The following IFIT1 variants were observed in gnomAD, a reference collection of about 807,000 sequenced individuals.
The protein encoded by IFIT1 is interferon induced protein with tetratricopeptide repeats 1.
Under a neutral mutation model 2.5 loss-of-function variants are expected in IFIT1, and 1 was observed. The ratio of observed to expected loss-of-function variants is 0.40; its 90% CI spans 0.14 to 1.92. The LOEUF (loss-of-function observed/expected upper bound fraction) is 1.92, where lower values mean the gene tolerates loss of function less well. IFIT1 is among the 40% of genes most tolerant of loss of function. The probability of loss-of-function intolerance (pLI) is 0.31; values close to 1 mark genes in which losing one functional copy is unlikely to be tolerated. For synonymous variants in IFIT1, 191 were observed against 201.7 expected (o/e 0.95, Z 0.45); for missense variants, 508 against 557.8 (o/e 0.91, Z 0.90).
chr10:89,392,972 G>A (rs1020510357), intron 1 of IFIT1: 19 of 669,070 alleles, frequency 2.8e-5, no homozygotes, highest in Non-Finnish European at 4.3e-5. Context: ...AGAAGGGGAG[G>A]GAAATGGGAA....
In IFIT1 at chr10:89,403,904, G is replaced by C; in HGVS notation, c.*192G>C. 1 of 501,276 alleles carries C rather than the reference G, an allele frequency of 2.0e-6. No individual in the cohort carries two copies. The highest frequency in any genetic ancestry group is 3.5e-6 in the Non-Finnish European group (1 of 287,506). 31.1% of individuals were successfully genotyped at this position (501,276 alleles called of 1,614,324 possible). ...AGAATGTGTGTATGCATGTAAGAAA[G>C]AGAAATCATTTGTATGAGTGCTATG... On this transcript the variant is annotated 3_prime_UTR_variant, in exon 2 of 2. Transcript: ENST00000371804.
rs1341450767 is a variant in IFIT1, at chr10:89,403,185, G to T, written c.910G>T (p.Glu304Ter). Reference sequence around the variant, plus strand: ...CAAGGCACAAATGATCCAAATCAAGGAGGCTACAAAAGGGCAGCCTAGAGG... The same window carrying T: ...CAAGGCACAAATGATCCAAATCAAGTAGGCTACAAAAGGGCAGCCTAGAGG... The part of the protein sequence containing the change: ...CYKAQMIQIK[E>*]ATKGQPRGQN... Residue 304 changes from glutamate (E) to a stop codon, truncating the protein, a stop_gained, in exon 2 of 2, where the codon GAG (glutamate) becomes TAG (stop). Coordinates refer to ENST00000371804, the MANE Select transcript of IFIT1 (RefSeq NM_001548.5). LOFTEE classifies it low-confidence loss of function (END_TRUNC). 1 of 1,613,966 alleles carries T rather than the reference G, an allele frequency of 6.2e-7. No homozygotes were observed. The highest frequency in any genetic ancestry group is 2.2e-5 in the East Asian group (1 of 44,902).
intron 1 of IFIT1, among the ~76,000 whole-genome samples, chr10:89,394,607 TATATATATATATATATATATAA>T (rs1460448076): frequency 0.21 from 6,388 of 30,222 alleles, 475 homozygotes; most frequent in East Asian, 0.41. Flanking sequence ...TATATATATA[TATATATATATATATATATATAA>T]AACTTGAATT....
Position 89,404,769 on chromosome 10 carries a change from A to G in IFIT1, c.*1057A>G, listed in dbSNP as rs1449627963. 1 of 152,268 alleles carries G rather than the reference A, an allele frequency of 6.6e-6. No individual in the cohort carries two copies. Among genetic ancestry groups the G allele is most frequent in the South Asian group, 2.1e-4 (1 of 4,838 alleles). The allele number at this position is 152,268 out of a possible 1,614,324, so 9.4% of individuals were successfully genotyped here. On this transcript the variant is annotated 3_prime_UTR_variant, in exon 2 of 2. Coordinates refer to ENST00000371804, the MANE Select transcript of IFIT1 (RefSeq NM_001548.5). ...CAGGAGTTCGAGAGCAGCCTTGGCA[A>G]TGGCAAAACCAACCGTCTCTACAAA... is the stretch of plus-strand genomic sequence containing the variant.
At chr10:89,395,396 C>G (rs1206076185) in intron 1 of IFIT1, among the ~76,000 whole-genome samples, 1 of 152,200 alleles carries the variant, frequency 6.6e-6, no homozygotes, top group East Asian at 1.9e-4. Context: ...ATGGCTCCCC[C>G]TTTCCCATTG....
At position 89,403,041 on chromosome 10, in the gene IFIT1, T is replaced by C; in HGVS notation, c.766T>C (p.Tyr256His). 6.2e-7 allele frequency: 1 copy of C among 1,614,236 alleles called. No homozygotes were observed. The highest frequency in any genetic ancestry group is 8.5e-7 in the Non-Finnish European group (1 of 1,180,032). The change falls in exon 2 of 2, where the codon TAT (tyrosine) becomes CAT (histidine). Residue 256 changes from tyrosine (Y) to histidine (H), a missense_variant. Tyr to His is a moderately conservative substitution (Grantham distance 83). Transcript: ENST00000371804. ...NMSSQTYVFR[Y>H]AAKFYRRKGS... ...GTCCTCACAGACCTATGTCTTTCGA[T>C]ATGCAGCCAAGTTTTACCGAAGAAA...
Position 89,402,832 on chromosome 10 carries a change from A to T in IFIT1, c.557A>T (p.Tyr186Phe), listed in dbSNP as rs1459705717. 1.2e-6 allele frequency: 2 copies of T among 1,614,068 alleles called. No individual in the cohort carries two copies. Among genetic ancestry groups the T allele is most frequent in the Non-Finnish European group, 1.7e-6 (2 of 1,180,052 alleles). The stretch of plus-strand genomic sequence containing the variant: ...AGCGCTGGGTATGCGATCTCTGCCT[A>T]TCGCCTGGATGGCTTTAAATTAGCC... Reference protein sequence around the residue: ...ESSAGYAISAYRLDGFKLATK... With the variant: ...ESSAGYAISAFRLDGFKLATK... The change falls in exon 2 of 2, where the codon TAT (tyrosine) becomes TTT (phenylalanine). Residue 186 changes from tyrosine (Y) to phenylalanine (F), a missense_variant. Tyr to Phe is a conservative substitution (Grantham distance 22). Transcript: ENST00000371804.
Position 89,402,843 on chromosome 10 carries a change from G to A in IFIT1, c.568G>A (p.Gly190Ser). The change falls in exon 2 of 2, where the codon GGC becomes AGC. Residue 190 changes from glycine to serine, a missense_variant. By Grantham distance (56) the Gly-to-Ser change is moderately conservative (BLOSUM62 0). Transcript: ENST00000371804. ...TGCGATCTCTGCCTATCGCCTGGATGGCTTTAAATTAGCCACAAAAAATCA... is the reference window on the plus strand; with the variant it reads ...TGCGATCTCTGCCTATCGCCTGGATAGCTTTAAATTAGCCACAAAAAATCA... Reference protein sequence around the residue: ...GYAISAYRLDGFKLATKNHKP... With the variant: ...GYAISAYRLDSFKLATKNHKP... The A allele has an allele frequency of 6.2e-7, 1 of 1,614,158 alleles. No individual in the cohort carries two copies.
rs200060906 is a variant in IFIT1 at position 89,394,577 on chromosome 10, A to AATATATAT, written c.5+1904_5+1911dup. Among the ~76,000 whole-genome samples the AATATATAT allele has an allele frequency of 2.0e-3, 222 of 108,594 alleles. 3 individuals are homozygous for AATATATAT. The highest frequency in any genetic ancestry group is 5.5e-3 in the Middle Eastern group (1 of 182). 71.2% of individuals were successfully genotyped at this position (108,594 alleles called of 152,430 possible). A position where few individuals can be genotyped will look rare whatever the true frequency, so the allele number is the denominator to read the frequency against. On this transcript the variant is annotated intron_variant, in intron 1 of 1. Coordinates refer to ENST00000371804, the MANE Select transcript of IFIT1 (RefSeq NM_001548.5). ...TTTATGTCAATATGTACTACAGGAA[A>AATATATAT]ATATATATATATATATATATATATA...
At chr10:89,396,693 A>T (rs903866859) in intron 1 of IFIT1, among the ~76,000 whole-genome samples, 2 of 152,256 alleles carry the variant, frequency 1.3e-5, no homozygotes, top group African/African-American at 4.8e-5. Context: ...GGTGGGGACA[A>T]TCAAACTGTA....
chr10:89,402,125 A>G (rs899778520), intron 1 of IFIT1, among the ~76,000 whole-genome samples, 156 bp from the exon 2 acceptor site: 1 of 152,236 alleles, frequency 6.6e-6, no homozygotes, highest in African/African-American at 2.4e-5. Flanking sequence ...AACAATATCA[A>G]CAGTCCATGA....
intron 1 of IFIT1, among the ~76,000 whole-genome samples, chr10:89,396,949 T>A (rs1844352819): frequency 6.6e-6 from 1 of 152,222 alleles, no homozygotes; most frequent in Non-Finnish European, 1.5e-5. Flanking sequence ...TGATGAGCTG[T>A]AAATATACTT....
chr10:89,393,398 A>C, intron 1 of IFIT1: 2 of 864,070 alleles, frequency 2.3e-6, no homozygotes, highest in Non-Finnish European at 3.1e-6. Context: ...TATCTTCCTT[A>C]CCTAAAGGGC....
intron 1 of IFIT1, among the ~76,000 whole-genome samples, chr10:89,398,427 T>G (rs1844376051): frequency 6.6e-6 from 1 of 152,222 alleles, no homozygotes; most frequent in African/African-American, 2.4e-5. Flanking sequence ...CTCCAGCTTC[T>G]CGGGGATGTT....
intron 1 of IFIT1, among the ~76,000 whole-genome samples, chr10:89,398,480 T>C (rs304483): frequency 0.64 from 96,704 of 152,136 alleles, 33,063 homozygotes; most frequent in African/African-American, 0.89. Context: ...TGCTCTTACA[T>C]TGCATACCTG....
chr10:89,402,347 G>A lies in IFIT1; in HGVS notation c.72G>A (p.Glu24=), dbSNP rs149440394. 5.3e-4 allele frequency: 858 copies of A among 1,614,160 alleles called. No individual in the cohort carries two copies. The highest frequency in any genetic ancestry group is 6.6e-4 in the Non-Finnish European group (778 of 1,179,986). ...AATTGAGATGTCACTTTACATGGGA[G>A]TTATCCATTGATGACGATGAAATGC... The part of the protein sequence containing the change: ...LEQLRCHFTW[E]LSIDDDEMPD... Residue 24 remains glutamate (E), a synonymous_variant, in exon 2 of 2, where the codon GAG becomes GAA. Transcript: ENST00000371804.
At chr10:89,401,574 A>T (rs1275661240) in intron 1 of IFIT1, among the ~76,000 whole-genome samples, 1 of 152,124 alleles carries the variant, frequency 6.6e-6, no homozygotes, top group Non-Finnish European at 1.5e-5. Flanking sequence ...TCGTTTCTTT[A>T]TCAAAGTGGT....
At chr10:89,393,341 G>T in intron 1 of IFIT1, 2 of 1,265,010 alleles carry the variant, frequency 1.6e-6, no homozygotes, top group Non-Finnish European at 2.1e-6. Context: ...CTAGGCTCTT[G>T]GTACGTCCTT....
Position 89,405,580 on chromosome 10 carries a change from T to A in IFIT1, c.*1868T>A, listed in dbSNP as rs898832503. On this transcript the variant is annotated 3_prime_UTR_variant, in exon 2 of 2. Transcript: ENST00000371804. Reference sequence around the variant, plus strand: ...CAATGAGCCAAAGTCAAGGTATTGATGACGCTACACTCCTCCGGAGGCTCT... The same window carrying A: ...CAATGAGCCAAAGTCAAGGTATTGAAGACGCTACACTCCTCCGGAGGCTCT... 2.0e-5 allele frequency: 3 copies of A among 152,170 alleles called. No homozygotes were observed. The highest frequency in any genetic ancestry group is 2.0e-4 in the Admixed American group (3 of 15,288). 9.4% of individuals were successfully genotyped at this position (152,170 alleles called of 1,614,324 possible).
Sources: allele counts gnomAD v4.1 joint callset (sites outside exome capture counted in the v4.1 genomes callset), GRCh38; gene constraint gnomAD v4.1.1; transcripts MANE v1.5; gene names NCBI Gene and HGNC (gene_info 2026-07-23, HGNC 2026-07-21).